Variants in QTRT2 observed in about 807,000 individuals in gnomAD.
QTRT2 encodes the protein queuine tRNA-ribosyltransferase domain containing 1.
Under a neutral mutation model 44.8 loss-of-function variants are expected in QTRT2, and 32 were observed. The observed-to-expected ratio is 0.71, with a 90% confidence interval of 0.54 to 0.96. QTRT2 has a LOEUF of 0.96. Among genes scored for constraint, QTRT2 ranks in the 40% least tolerant of loss-of-function variants. QTRT2 has a pLI of 0.00. For missense variants in QTRT2, 461 were observed against 503.1 expected (o/e 0.92, Z 0.80); for synonymous variants, 182 against 187.4 (o/e 0.97, Z 0.24).
At chr3:114,062,103 C>T (rs967591480) in intron 2 of QTRT2, among the ~76,000 whole-genome samples, 3 of 151,458 alleles carry the variant, frequency 2.0e-5, no homozygotes, top group African/African-American at 4.8e-5. Context: ...CAGTGGCTCA[C>T]GCCTGTAATC....
intron 7 of QTRT2, 172 bp downstream of exon 7, chr3:114,077,114 C>A (rs771731121): frequency 8.6e-5 from 53 of 616,868 alleles, no homozygotes; most frequent in Non-Finnish European, 1.4e-4. Context: ...GAGTTTCCAT[C>A]AAGGCTGTCC....
Position 114,070,813 on chromosome 3 carries a change from G to C in QTRT2, c.521G>C (p.Cys174Ser), listed in dbSNP as rs749638898. 6.2e-7 allele frequency: 1 copy of C among 1,613,898 alleles called. No homozygotes were observed. The highest frequency in any genetic ancestry group is 1.1e-5 in the South Asian group (1 of 91,068). ...VDRSLLFLDN[C>S]LRLQEESEVL... is the part of the protein sequence containing the mutation. ...CGATCACTTCTTTTCTTGGATAACT[G>C]TCTGCGGCTGCAGGAAGAGTCAGAG... The change falls in exon 6 of 10, where the codon TGT (cysteine) becomes TCT (serine). Residue 174 changes from cysteine to serine, a missense_variant. Physicochemically the swap from Cys to Ser is moderately radical, Grantham distance 112 (BLOSUM62 -1). Coordinates refer to ENST00000281273, the MANE Select transcript of QTRT2 (RefSeq NM_024638.4).
At chr3:114,074,578 G>A (rs1297517798) in intron 6 of QTRT2, among the ~76,000 whole-genome samples, 1 of 151,938 alleles carries the variant, frequency 6.6e-6, no homozygotes, top group Non-Finnish European at 1.5e-5. Context: ...TTTTTCACAC[G>A]GCAGCCAAAG....
In QTRT2 at chr3:114,056,816, G is replaced by T; in HGVS notation, c.-178G>T. 6.5e-7 allele frequency: 1 copy of T among 1,534,692 alleles called. No individual in the cohort carries two copies. Among genetic ancestry groups the T allele is most frequent in the South Asian group, 1.2e-5 (1 of 83,818 alleles). On this transcript the variant is annotated 5_prime_UTR_variant, in exon 1 of 10. It adds an upstream start codon to the 5' untranslated region. Transcript: ENST00000281273. ...TGCAACACGTGGTAGTGAACTGTGA[G>T]GAGTTTGAGGGGTCTGAAGACTGAA...
intron 6 of QTRT2, among the ~76,000 whole-genome samples, chr3:114,075,098 A>G (rs1014302004): frequency 7.2e-5 from 11 of 152,358 alleles, no homozygotes; most frequent in African/African-American, 2.6e-4. Flanking sequence ...GGACATTTCA[A>G]TAAGTGCTGT....
intron 2 of QTRT2, among the ~76,000 whole-genome samples, chr3:114,062,997 T>A (rs1227468280): frequency 6.6e-6 from 1 of 152,220 alleles, no homozygotes; most frequent in Non-Finnish European, 1.5e-5. Flanking sequence ...TCTAGCCCTT[T>A]CTGAAATAGC....
At chr3:114,075,026 C>T (rs1427238310) in intron 6 of QTRT2, among the ~76,000 whole-genome samples, 4 of 152,140 alleles carry the variant, frequency 2.6e-5, no homozygotes, top group African/African-American at 7.2e-5. Flanking sequence ...AACCTTGGCA[C>T]ATGTGAATGA....
At chr3:114,078,643 A>C (rs906672550) in intron 7 of QTRT2, 1 of 152,138 alleles carries the variant, frequency 6.6e-6, no homozygotes, top group Non-Finnish European at 1.5e-5. Context: ...CCTTTATCCA[A>C]AATGCTAGGG....
intron 5 of QTRT2, chr3:114,068,312 G>A (rs1422393162): frequency 7.7e-6 from 3 of 387,234 alleles, no homozygotes; most frequent in Admixed American, 3.7e-5. Context: ...GTAGAGGAGG[G>A]TCAAATACAT....
At position 114,088,269 on chromosome 3, in the gene QTRT2, A is replaced by G. The variant is rs959838589; in HGVS notation, c.*2365A>G. 28 of 152,316 alleles carry G rather than the reference A, an allele frequency of 1.8e-4. No homozygotes were observed. Among genetic ancestry groups the G allele is most frequent in the African/African-American group, 6.5e-4 (27 of 41,582 alleles). 9.4% of individuals were successfully genotyped at this position (152,316 alleles called of 1,614,324 possible). A position where few individuals can be genotyped will look rare whatever the true frequency, so the allele number is the denominator to read the frequency against. On this transcript the variant is annotated 3_prime_UTR_variant, in exon 10 of 10. Coordinates refer to ENST00000281273, the MANE Select transcript of QTRT2 (RefSeq NM_024638.4). The stretch of plus-strand genomic sequence containing the variant: ...TCCTGGGTCTTTTTCTTATTAGCAC[A>G]TTTGAGAAAAATATTCCTTTCCTTT...
chr3:114,069,496 T>C (rs1168066949), intron 5 of QTRT2, among the ~76,000 whole-genome samples: 2 of 152,242 alleles, frequency 1.3e-5, no homozygotes, highest in African/African-American at 4.8e-5. Flanking sequence ...ACATGTGGTA[T>C]TTGATTTTCT....
intron 6 of QTRT2, among the ~76,000 whole-genome samples, chr3:114,073,983 G>A (rs1008905483): frequency 3.3e-5 from 5 of 152,058 alleles, no homozygotes; most frequent in African/African-American, 9.7e-5. Flanking sequence ...TCCAAGATTC[G>A]GTTTTTGGCT....
At chr3:114,067,814 A>G (rs1448175214) in intron 4 of QTRT2, among the ~76,000 whole-genome samples, 173 bp from the exon 5 acceptor site, 1 of 152,140 alleles carries the variant, frequency 6.6e-6, no homozygotes, top group Non-Finnish European at 1.5e-5. Flanking sequence ...TAGATTAGTA[A>G]TCTTTTTATA....
intron 8 of QTRT2, among the ~76,000 whole-genome samples, chr3:114,080,373 G>A (rs1028497952): frequency 1.3e-5 from 2 of 152,184 alleles, no homozygotes; most frequent in African/African-American, 4.8e-5. Context: ...CCTTTGAACT[G>A]CTTGGTAAAA....
intron 2 of QTRT2, among the ~76,000 whole-genome samples, chr3:114,060,463 C>A (rs1004454648): frequency 2.1e-5 from 3 of 145,516 alleles, no homozygotes; most frequent in Non-Finnish European, 4.5e-5. Context: ...GGTTCCAAAC[C>A]CCAGATAGAT....
chr3:114,084,859 A>G (rs1329654691), intron 9 of QTRT2, among the ~76,000 whole-genome samples: 2 of 152,204 alleles, frequency 1.3e-5, no homozygotes, highest in Non-Finnish European at 2.9e-5. Flanking sequence ...CTGTAGAATG[A>G]CAATAAAAAT....
At chr3:114,080,882 A>C (rs1227022794) in intron 8 of QTRT2, among the ~76,000 whole-genome samples, 2 of 152,248 alleles carry the variant, frequency 1.3e-5, no homozygotes. Flanking sequence ...GAAGCAACTT[A>C]ACCATTAATC....
rs1035364917 is a variant in QTRT2 at position 114,065,598 on chromosome 3, T to A, written c.200+141T>A. 41 of 682,622 alleles carry A rather than the reference T, an allele frequency of 6.0e-5. No homozygotes were observed. In the African/African-American group the frequency reaches 7.4e-4, roughly 12 times the overall value. 42.3% of individuals were successfully genotyped at this position (682,622 alleles called of 1,614,324 possible). On this transcript the variant is annotated intron_variant, in intron 3 of 9. Coordinates refer to ENST00000281273, the MANE Select transcript of QTRT2 (RefSeq NM_024638.4). ...ATGAAATCAGAAGAGAGGTTTCAAA[T>A]ATTATACATCTTCTGGCCCTAATCT...
chr3:114,065,416 C>T lies in QTRT2; in HGVS notation c.159C>T (p.Ile53=). The T allele has an allele frequency of 6.2e-7, 1 of 1,614,082 alleles. No homozygotes were observed. Among genetic ancestry groups the T allele is most frequent in the Non-Finnish European group, 8.5e-7 (1 of 1,180,022 alleles). Reference sequence around the variant, plus strand: ...TCACCCATCACACGCTGCATAATATCCACGGGGTTCCTGCCATGGCTCAGC... The same window carrying T: ...TCACCCATCACACGCTGCATAATATTCACGGGGTTCCTGCCATGGCTCAGC... ...PHLTHHTLHN[I]HGVPAMAQLT... is the part of the protein sequence containing the mutation. Residue 53 remains isoleucine, a synonymous_variant, in exon 3 of 10, where the codon ATC becomes ATT. Coordinates refer to ENST00000281273, the MANE Select transcript of QTRT2 (RefSeq NM_024638.4).
Sources: allele counts gnomAD v4.1 joint callset (sites outside exome capture counted in the v4.1 genomes callset), GRCh38; gene constraint gnomAD v4.1.1; transcripts MANE v1.5; gene names NCBI Gene and HGNC (gene_info 2026-07-23, HGNC 2026-07-21).